Variants in NAALADL2 observed in about 807,000 individuals in gnomAD.
NAALADL2 encodes inactive N-acetylated-alpha-linked acidic dipeptidase-like protein 2.
In NAALADL2, 76 loss-of-function variants were observed where a neutral mutation model predicts 87.2. That is an observed-to-expected ratio of 0.87 (90% CI 0.72 to 1.05). The LOEUF (loss-of-function observed/expected upper bound fraction) is 1.05, where lower values mean the gene tolerates loss of function less well. Ranked by LOEUF, NAALADL2 falls within the 50% of genes least tolerant of loss-of-function variation. The pLI is 0.00. For synonymous variants in NAALADL2, 354 were observed against 331.0 expected, an observed-to-expected ratio of 1.07 and a Z score of -0.75; for missense variants, 1,089 against 945.8, an observed-to-expected ratio of 1.15 and a Z score of -1.99.
intron 2 of NAALADL2, among the ~76,000 whole-genome samples, chr3:175,133,929 TC>T (rs1341982934): frequency 6.6e-6 from 1 of 152,182 alleles, no homozygotes; most frequent in East Asian, 1.9e-4. Flanking sequence ...TAAAACATTT[TC>T]CCCAAATCAA....
At chr3:175,619,039 G>A (rs1398920984) in intron 10 of NAALADL2, among the ~76,000 whole-genome samples, 1 of 152,072 alleles carries the variant, frequency 6.6e-6, no homozygotes, top group Non-Finnish European at 1.5e-5. Context: ...CCTTGGAATA[G>A]AATCTGGGAC....
chr3:174,817,621 A>T (rs11707522), intron 3 of NAALADL2, among the ~76,000 whole-genome samples: 49,034 of 151,872 alleles, frequency 0.32, 8,983 homozygotes, highest in African/African-American at 0.5. Flanking sequence ...AATAATTTTT[A>T]AAAAATTTAA....
intron 12 of NAALADL2, among the ~76,000 whole-genome samples, chr3:175,745,697 T>C (rs137925368): frequency 2.0e-5 from 3 of 152,272 alleles, no homozygotes; most frequent in Non-Finnish European, 4.4e-5. Flanking sequence ...GCATTTAGAA[T>C]GCAATGGTAC....
Position 175,554,867 on chromosome 3 carries a change from C to A in NAALADL2, c.1654-21174C>A, listed in dbSNP as rs1156541051. Among the ~76,000 whole-genome samples the A allele has an allele frequency of 3.9e-5, 6 of 152,136 alleles. 1 individual carries two copies. Among genetic ancestry groups the A allele is most frequent in the Non-Finnish European group, 8.8e-5 (6 of 68,008 alleles). ...TATATGTATATATTTTACCTGTTAT[C>A]AATTGCTATTTACCTTATTCTAACC... On this transcript the variant is annotated intron_variant, in intron 9 of 13. Coordinates refer to ENST00000454872, the MANE Select transcript of NAALADL2 (RefSeq NM_207015.3).
chr3:175,370,922 T>C (rs1766400348), intron 5 of NAALADL2, among the ~76,000 whole-genome samples: 1 of 152,158 alleles, frequency 6.6e-6, no homozygotes, highest in African/African-American at 2.4e-5. Flanking sequence ...TGAGAGCAAG[T>C]AGAGAATGCT....
At chr3:174,661,985 A>G (rs896137218) in intron 2 of NAALADL2, among the ~76,000 whole-genome samples, 4 of 152,170 alleles carry the variant, frequency 2.6e-5, no homozygotes, top group African/African-American at 9.6e-5. Flanking sequence ...CTTCTTCCAA[A>G]GTTGAGAAGT....
chr3:175,016,317 C>T (rs1750806348), intron 1 of NAALADL2, among the ~76,000 whole-genome samples: 1 of 147,982 alleles, frequency 6.8e-6, no homozygotes, highest in Non-Finnish European at 1.5e-5. Context: ...GTAGTATATC[C>T]ATATATGAGA....
At chr3:174,891,740 C>T (rs980952860) in intron 1 of NAALADL2, among the ~76,000 whole-genome samples, 1 of 152,186 alleles carries the variant, frequency 6.6e-6, no homozygotes, top group African/African-American at 2.4e-5. Context: ...AGGACTGTAA[C>T]TCTTAGGCAA....
chr3:175,487,920 A>G (rs1727535622), intron 9 of NAALADL2, among the ~76,000 whole-genome samples: 2 of 152,164 alleles, frequency 1.3e-5, no homozygotes, highest in Non-Finnish European at 2.9e-5. Flanking sequence ...TCTATCAAAG[A>G]ACTATGTAGT....
At chr3:175,493,178 G>A (rs1159732946) in intron 9 of NAALADL2, among the ~76,000 whole-genome samples, 8 of 151,844 alleles carry the variant, frequency 5.3e-5, no homozygotes, top group Non-Finnish European at 1.0e-4. Flanking sequence ...GTTTTTGATG[G>A]TTTTCTTCTT....
At chr3:175,687,142 C>A (rs1286393149) in intron 11 of NAALADL2, among the ~76,000 whole-genome samples, 3 of 152,006 alleles carry the variant, frequency 2.0e-5, no homozygotes, top group African/African-American at 7.3e-5. Flanking sequence ...TCTTAAATGG[C>A]AAATTTGACT....
intron 2 of NAALADL2, among the ~76,000 whole-genome samples, chr3:175,208,026 A>C (rs953531841): frequency 1.3e-5 from 2 of 152,142 alleles, no homozygotes; most frequent in African/African-American, 4.8e-5. Context: ...AAAGCTAAAC[A>C]AATAGAAAGG....
At chr3:175,252,338 T>A (rs1174523543) in intron 3 of NAALADL2, among the ~76,000 whole-genome samples, 1 of 152,212 alleles carries the variant, frequency 6.6e-6, no homozygotes, top group Non-Finnish European at 1.5e-5. Flanking sequence ...GTTAGGGTTA[T>A]CTGTGATCAG....
chr3:175,199,864 ATTTTTTTTTTTTTTTT>A (rs869050569), intron 2 of NAALADL2, among the ~76,000 whole-genome samples: 17 of 13,042 alleles, frequency 1.3e-3, no homozygotes, highest in East Asian at 4.6e-3. Context: ...ATATATATAT[ATTTTTTTTTTTTTTTT>A]TTTTTTTTTT....
chr3:174,701,671 A>G (rs1729565841), intron 2 of NAALADL2, among the ~76,000 whole-genome samples: 1 of 119,522 alleles, frequency 8.4e-6, no homozygotes, highest in African/African-American at 3.4e-5. Flanking sequence ...TAGTTCTGTC[A>G]CTATAGATAA....
chr3:175,599,546 C>A (rs1722675754), intron 10 of NAALADL2, among the ~76,000 whole-genome samples: 1 of 152,140 alleles, frequency 6.6e-6, no homozygotes, highest in Non-Finnish European at 1.5e-5. Context: ...AGAGATGGAC[C>A]TTGAGCCAAG....
chr3:174,923,147 T>C (rs1016062033), intron 1 of NAALADL2, among the ~76,000 whole-genome samples: 3 of 152,118 alleles, frequency 2.0e-5, no homozygotes, highest in African/African-American at 7.2e-5. Context: ...TAATAGAATT[T>C]AAGGAAGTAT....
intron 6 of NAALADL2, among the ~76,000 whole-genome samples, chr3:175,459,543 AT>A (rs1722799375): frequency 6.6e-6 from 1 of 151,492 alleles, no homozygotes; most frequent in African/African-American, 2.4e-5. Context: ...AGTAATAATA[AT>A]TTTTCCAGAA....
chr3:175,319,701 T>A (rs1160321501), intron 4 of NAALADL2, among the ~76,000 whole-genome samples: 3 of 152,148 alleles, frequency 2.0e-5, no homozygotes, highest in Non-Finnish European at 4.4e-5. Context: ...GCGCCTGTAA[T>A]CCCAGCTACT....
Sources: allele counts gnomAD v4.1 joint callset (sites outside exome capture counted in the v4.1 genomes callset), GRCh38; gene constraint gnomAD v4.1.1; transcripts MANE v1.5; gene names NCBI Gene and HGNC (gene_info 2026-07-23, HGNC 2026-07-21).